The following NXPE2 variants were observed in gnomAD, a reference collection of about 807,000 sequenced individuals.
The protein encoded by NXPE2 is NXPE family member 2.
In NXPE2, 34 loss-of-function variants were observed where a neutral mutation model predicts 34.4. That is an observed-to-expected ratio of 0.99 (90% CI 0.75 to 1.31). The LOEUF (loss-of-function observed/expected upper bound fraction) is 1.31. Among genes scored for constraint, NXPE2 ranks in the 40% most tolerant of loss-of-function variants. The pLI, the probability that NXPE2 is intolerant of heterozygous loss-of-function variation, is 0.00. For missense variants in NXPE2, 649 were observed against 672.5 expected, an observed-to-expected ratio of 0.97 and a Z score of 0.39; for synonymous variants, 235 against 231.3, an observed-to-expected ratio of 1.02 and a Z score of -0.15.
the NXPE2 span, among the ~76,000 whole-genome samples, chr11:114,610,801 C>A: frequency 6.6e-6 from 1 of 151,910 alleles, no homozygotes; most frequent in Non-Finnish European, 1.5e-5. Flanking sequence ...ATAAGTATTG[C>A]CTCTAGGGTT....
chr11:114,586,560 C>G, the NXPE2 span, among the ~76,000 whole-genome samples: 1 of 152,160 alleles, frequency 6.6e-6, no homozygotes, highest in African/African-American at 2.4e-5. Context: ...CCCCCATGTC[C>G]TCAGGGTGCT....
downstream of NXPE2, among the ~76,000 whole-genome samples, chr11:114,711,657 A>C (rs1859614244): frequency 6.6e-6 from 1 of 152,174 alleles, no homozygotes; most frequent in African/African-American, 2.4e-5. Flanking sequence ...GAAAGACCTA[A>C]TCTTGTTTAA....
chr11:114,740,994 C>T, the NXPE2 span, among the ~76,000 whole-genome samples: 1 of 152,016 alleles, frequency 6.6e-6, no homozygotes, highest in Non-Finnish European at 1.5e-5. Flanking sequence ...CTTGTTTATT[C>T]CTTCATTTCT....
chr11:114,703,254 T>A (rs1951399597), intron 3 of NXPE2, among the ~76,000 whole-genome samples: 1 of 152,302 alleles, frequency 6.6e-6, no homozygotes, highest in African/African-American at 2.4e-5. Context: ...GGACAGAAAG[T>A]CATGGGAAAG....
At chr11:114,732,975 C>A in the NXPE2 span, among the ~76,000 whole-genome samples, 1 of 152,070 alleles carries the variant, frequency 6.6e-6, no homozygotes, top group African/African-American at 2.4e-5. Context: ...CACTCTGAGG[C>A]TATTACTTTG....
chr11:114,581,601 C>A, the NXPE2 span: 3 of 764,970 alleles, frequency 3.9e-6, no homozygotes, highest in Non-Finnish European at 4.4e-6. Context: ...CTTGGCCAAC[C>A]TTAGATAAGC....
chr11:114,556,977 C>T, the NXPE2 span, among the ~76,000 whole-genome samples: 1 of 151,614 alleles, frequency 6.6e-6, no homozygotes, highest in Non-Finnish European at 1.5e-5. Context: ...ACTGCAACCT[C>T]TGTCTCCTGG....
the NXPE2 span, among the ~76,000 whole-genome samples, chr11:114,603,702 A>C: frequency 5.3e-5 from 8 of 151,776 alleles, no homozygotes; most frequent in Non-Finnish European, 1.0e-4. Context: ...GGGGATGATA[A>C]GTATTGCCTC....
At chr11:114,487,333 A>G in the NXPE2 span, among the ~76,000 whole-genome samples, 4 of 152,046 alleles carry the variant, frequency 2.6e-5, no homozygotes, top group African/African-American at 9.7e-5. Flanking sequence ...TGATTTTTGT[A>G]TGTTGATTTT....
the NXPE2 span, among the ~76,000 whole-genome samples, chr11:114,500,876 G>A: frequency 6.6e-6 from 1 of 152,136 alleles, no homozygotes; most frequent in Admixed American, 6.5e-5. Flanking sequence ...AGAAAAGACT[G>A]TCCATTCCTT....
chr11:114,594,548 C>G, the NXPE2 span: 1 of 692,600 alleles, frequency 1.4e-6, no homozygotes, highest in Non-Finnish European at 2.6e-6. Context: ...TGGTATCTAG[C>G]TATTCAAACT....
the NXPE2 span, among the ~76,000 whole-genome samples, chr11:114,635,972 G>A: frequency 6.6e-6 from 1 of 151,978 alleles, no homozygotes; most frequent in Non-Finnish European, 1.5e-5. Flanking sequence ...GGATGATGCT[G>A]GCCTCATAAA....
the NXPE2 span, among the ~76,000 whole-genome samples, chr11:114,658,516 T>G: frequency 6.6e-6 from 1 of 152,100 alleles, no homozygotes; most frequent in Non-Finnish European, 1.5e-5. Context: ...GGAGGGTAGC[T>G]GCCTCAAAGG....
At chr11:114,582,253 T>C in the NXPE2 span, 5 of 1,528,040 alleles carry the variant, frequency 3.3e-6, no homozygotes, top group Admixed American at 8.6e-5. Flanking sequence ...ATCACAATAT[T>C]TGCACAGGTA....
chr11:114,471,507 A>G, the NXPE2 span, among the ~76,000 whole-genome samples: 33 of 152,222 alleles, frequency 2.2e-4, no homozygotes, highest in African/African-American at 7.0e-4. Context: ...ATTTATAAAA[A>G]TTGACCTTAT....
the NXPE2 span, among the ~76,000 whole-genome samples, chr11:114,662,222 G>T: frequency 7.4e-6 from 1 of 135,224 alleles, no homozygotes. Flanking sequence ...GTGTTTCTGT[G>T]CACTGGGGAG....
the NXPE2 span, among the ~76,000 whole-genome samples, chr11:114,752,289 G>A: frequency 5.3e-5 from 8 of 152,302 alleles, no homozygotes; most frequent in African/African-American, 9.6e-5. Context: ...AGAGGCTTCC[G>A]GGAGATGAGT....
the NXPE2 span, among the ~76,000 whole-genome samples, chr11:114,762,582 C>A: frequency 6.6e-6 from 1 of 152,266 alleles, no homozygotes; most frequent in East Asian, 1.9e-4. Context: ...AGGAAAGGGA[C>A]TTCAGCACTC....
the NXPE2 span, among the ~76,000 whole-genome samples, chr11:114,633,676 C>T: frequency 8.0e-5 from 12 of 149,388 alleles, no homozygotes; most frequent in African/African-American, 2.9e-4. Flanking sequence ...CATGTGTTCT[C>T]ATTGTTCAAT....
Sources: allele counts gnomAD v4.1 joint callset (sites outside exome capture counted in the v4.1 genomes callset), GRCh38; gene constraint gnomAD v4.1.1; transcripts MANE v1.5; gene names NCBI Gene and HGNC (gene_info 2026-07-23, HGNC 2026-07-21).